FAM204A: variants seen among roughly 807,000 people sequenced by gnomAD.
The protein encoded by FAM204A is family with sequence similarity 204 member A, also known as protein FAM204A.
In FAM204A, 16 loss-of-function variants were observed where a neutral mutation model predicts 35.4. The observed-to-expected ratio is 0.45, with a 90% confidence interval of 0.31 to 0.69. The LOEUF (loss-of-function observed/expected upper bound fraction) is 0.69. Ranked by LOEUF, FAM204A falls within the 30% of genes least tolerant of loss-of-function variation. The pLI, the probability that FAM204A is intolerant of heterozygous loss-of-function variation, is 0.07. For synonymous variants in FAM204A, 76 were observed against 86.9 expected, an observed-to-expected ratio of 0.88 and a Z score of 0.70; for missense variants, 240 against 265.7, an observed-to-expected ratio of 0.90 and a Z score of 0.67.
intron 6 of FAM204A, among the ~76,000 whole-genome samples, chr10:118,331,742 A>T (rs887443870): frequency 2.0e-5 from 3 of 151,930 alleles, no homozygotes; most frequent in Admixed American, 1.3e-4. Context: ...TATCTAGGAA[A>T]AAATGAGGCA....
chr10:118,335,318 T>C, intron 5 of FAM204A, 78 bp downstream of exon 5: 27 of 1,556,088 alleles, frequency 1.7e-5, no homozygotes, highest in Non-Finnish European at 2.4e-5. Context: ...GTTCATATGT[T>C]TGATTACTAT....
At chr10:118,337,417 AAAAC>A (rs551526738) in intron 2 of FAM204A, among the ~76,000 whole-genome samples, 15 of 152,342 alleles carry the variant, frequency 9.8e-5, no homozygotes, top group Middle Eastern at 6.8e-3. Flanking sequence ...ACCTAGTTAA[AAAAC>A]AAACAAACAA....
At chr10:118,321,988 T>C (rs142343841) in intron 7 of FAM204A, among the ~76,000 whole-genome samples, 213 of 152,214 alleles carry the variant, frequency 1.4e-3, no homozygotes, top group Admixed American at 2.7e-3. Flanking sequence ...CCAGATTTAC[T>C]GAGAAATTTA....
intron 7 of FAM204A, among the ~76,000 whole-genome samples, chr10:118,324,091 G>A (rs1166467344): frequency 1.3e-5 from 2 of 152,014 alleles, no homozygotes; most frequent in African/African-American, 4.8e-5. Context: ...TTATTAAAAT[G>A]AGATACCTGT....
intron 2 of FAM204A, among the ~76,000 whole-genome samples, chr10:118,338,613 T>C (rs1846424037): frequency 6.6e-6 from 1 of 152,146 alleles, no homozygotes; most frequent in South Asian, 2.1e-4. Flanking sequence ...CAGGCAAAAA[T>C]CCCTAGCCTC....
At chr10:118,330,185 CAT>C (rs1846267793) in intron 6 of FAM204A, among the ~76,000 whole-genome samples, 1 of 152,220 alleles carries the variant, frequency 6.6e-6, no homozygotes, top group Non-Finnish European at 1.5e-5. Flanking sequence ...GTCACTGACA[CAT>C]ATTTGTATGT....
intron 7 of FAM204A, among the ~76,000 whole-genome samples, chr10:118,314,436 G>T (rs1845999088): frequency 6.6e-6 from 1 of 152,038 alleles, no homozygotes; most frequent in Non-Finnish European, 1.5e-5. Context: ...TGTGGAGAAA[G>T]AAAAAATATC....
intron 7 of FAM204A, among the ~76,000 whole-genome samples, chr10:118,320,298 AAATTT>A (rs1246250585): frequency 6.6e-6 from 1 of 151,122 alleles, no homozygotes; most frequent in African/African-American, 2.4e-5. Flanking sequence ...TAAATAAAAT[AAATTT>A]ATTTTTATTA....
chr10:118,309,887 CGTTG>C lies in FAM204A; in HGVS notation c.*966_*969del, dbSNP rs1845920242. The C allele has an allele frequency of 6.6e-6, 1 of 152,174 alleles. No individual in the cohort carries two copies. The highest frequency in any genetic ancestry group is 1.9e-4 in the East Asian group (1 of 5,170). 9.4% of individuals were successfully genotyped at this position (152,174 alleles called of 1,614,324 possible). On this transcript the variant is annotated 3_prime_UTR_variant, in exon 9 of 9. Transcript: ENST00000369183. ...AAATACTTAGGAAGACATTTTTAGG[CGTTG>C]CTGAATTTAAATCATCTTCCAAATA...
At chr10:118,331,843 T>A (rs1589728339) in intron 6 of FAM204A, among the ~76,000 whole-genome samples, 1 of 142,434 alleles carries the variant, frequency 7.0e-6, no homozygotes, top group South Asian at 2.3e-4. Context: ...TTTGTTACCT[T>A]TATATATATA....
intron 7 of FAM204A, among the ~76,000 whole-genome samples, chr10:118,315,194 A>G (rs1173277507): frequency 6.6e-6 from 1 of 152,146 alleles, no homozygotes; most frequent in Admixed American, 6.6e-5. Flanking sequence ...TGTGTAAATC[A>G]TATTGGGTTG....
intron 7 of FAM204A, among the ~76,000 whole-genome samples, chr10:118,321,724 C>CAAAAAAAAAAAAAAAAAAAAAA (rs200200755): frequency 1.1e-5 from 1 of 87,258 alleles, no homozygotes; most frequent in African/African-American, 4.2e-5. Context: ...TATGACAAAG[C>CAAAAAAAAAAAAAAAAAAAAAA]AAAAAAAAAA....
At chr10:118,319,448 A>T (rs1846078844) in intron 7 of FAM204A, among the ~76,000 whole-genome samples, 1 of 152,000 alleles carries the variant, frequency 6.6e-6, no homozygotes, top group African/African-American at 2.4e-5. Flanking sequence ...AGTCTACTTC[A>T]TTTATAATAA....
At position 118,342,267 on chromosome 10, in the gene FAM204A, C is replaced by T. The variant is rs1564766933; in HGVS notation, c.-210+3G>A. 1 of 152,486 alleles carries T rather than the reference C, an allele frequency of 6.6e-6. No individual in the cohort carries two copies. Among genetic ancestry groups the T allele is most frequent in the East Asian group, 1.9e-4 (1 of 5,160 alleles). 9.4% of individuals were successfully genotyped at this position (152,486 alleles called of 1,614,324 possible). On this transcript the variant is annotated splice_donor_region_variant and intron_variant, in intron 1 of 8. Transcript: ENST00000369183. The stretch of plus-strand genomic sequence containing the variant: ...TAACCAACCCTCCATAAGCCGTACT[C>T]ACCTGTCAGGAAGTGGTCGCCCAGC...
chr10:118,331,616 C>T (rs1404580790), intron 6 of FAM204A, among the ~76,000 whole-genome samples: 2 of 151,816 alleles, frequency 1.3e-5, no homozygotes, highest in Non-Finnish European at 2.9e-5. Context: ...TCAAACTATA[C>T]CACAATATAT....
chr10:118,317,005 C>G (rs1050458213), intron 7 of FAM204A, among the ~76,000 whole-genome samples: 7 of 152,202 alleles, frequency 4.6e-5, no homozygotes, highest in African/African-American at 1.7e-4. Context: ...ACACAGCCCC[C>G]ATAAGAAAGA....
chr10:118,324,982 A>AAT (rs1169235235), intron 7 of FAM204A, among the ~76,000 whole-genome samples: 1 of 152,030 alleles, frequency 6.6e-6, no homozygotes, highest in Non-Finnish European at 1.5e-5. Flanking sequence ...ATTAGTCATT[A>AAT]ATATATATTC....
chr10:118,330,298 C>T (rs564336002), intron 6 of FAM204A, among the ~76,000 whole-genome samples: 1 of 152,302 alleles, frequency 6.6e-6, no homozygotes, highest in South Asian at 2.1e-4. Context: ...CTTATCCAAT[C>T]TCACGCAGGG....
chr10:118,302,982 C>T lies in FAM204A; in HGVS notation c.*7875G>A, dbSNP rs1845824872. 1 of 152,206 alleles carries T rather than the reference C, an allele frequency of 6.6e-6. No homozygotes were observed. The highest frequency in any genetic ancestry group is 1.5e-5 in the Non-Finnish European group (1 of 68,040). 9.4% of individuals were successfully genotyped at this position (152,206 alleles called of 1,614,324 possible). On this transcript the variant is annotated 3_prime_UTR_variant, in exon 9 of 9. Coordinates refer to ENST00000369183, the MANE Select transcript of FAM204A (RefSeq NM_022063.3). ...CCCCAGAGAGGGACCCTGGAGTTTA[C>T]ATTTTTAACAAGTGATTCTGCTTGC... is the stretch of plus-strand genomic sequence containing the variant.
Sources: allele counts gnomAD v4.1 joint callset (sites outside exome capture counted in the v4.1 genomes callset), GRCh38; gene constraint gnomAD v4.1.1; transcripts MANE v1.5; gene names NCBI Gene and HGNC (gene_info 2026-07-23, HGNC 2026-07-21).